The following NXNL2 variants were observed in gnomAD, a reference collection of about 807,000 sequenced individuals.
NXNL2 encodes nucleoredoxin like 2, also known as nucleoredoxin-like protein 2.
A neutral mutation model predicts 11.1 loss-of-function variants in NXNL2; 7 were observed. That is an observed-to-expected ratio of 0.63 (90% confidence interval 0.36 to 1.18). NXNL2 has a LOEUF of 1.18. Among genes scored for constraint, NXNL2 ranks in the 50% most tolerant of loss-of-function variants. The probability of loss-of-function intolerance (pLI) is 0.02; values close to 1 mark genes in which losing one functional copy is unlikely to be tolerated. For synonymous variants in NXNL2, 109 were observed against 101.8 expected, an observed-to-expected ratio of 1.07 and a Z score of -0.42; for missense variants, 233 against 217.7, an observed-to-expected ratio of 1.07 and a Z score of -0.44.
chr9:88,565,376 A>G (rs1265806657), intron 1 of NXNL2, among the ~76,000 whole-genome samples: 2 of 152,166 alleles, frequency 1.3e-5, no homozygotes, highest in African/African-American at 2.4e-5. Context: ...ATAAATACCA[A>G]GAAGTAGGAT....
intron 1 of NXNL2, among the ~76,000 whole-genome samples, chr9:88,565,267 A>G (rs1302683026): frequency 6.6e-6 from 1 of 152,190 alleles, no homozygotes; most frequent in African/African-American, 2.4e-5. Flanking sequence ...CTGTCGATGG[A>G]CATGATGGTT....
chr9:88,538,139 A>G (rs1023626660), intron 1 of NXNL2, among the ~76,000 whole-genome samples: 5 of 152,194 alleles, frequency 3.3e-5, no homozygotes, highest in Non-Finnish European at 7.3e-5. Flanking sequence ...CATTAGGGAA[A>G]AAGTGAGGTT....
At chr9:88,576,947 A>G (rs77877424), downstream of NXNL2, among the ~76,000 whole-genome samples, 363 of 126,172 alleles carry the variant, frequency 2.9e-3, 7 homozygotes, top group Admixed American at 0.023. Context: ...GGGGTGAGCC[A>G]CCACCCATAG....
intron 1 of NXNL2, among the ~76,000 whole-genome samples, chr9:88,550,600 C>G (rs11791660): frequency 4.7e-4 from 72 of 152,326 alleles, no homozygotes; most frequent in Non-Finnish European, 7.8e-4. Context: ...TAGGTAGATT[C>G]AAAGATTTTC....
At chr9:88,544,197 A>G (rs1334604172) in intron 1 of NXNL2, among the ~76,000 whole-genome samples, 182 bp from the exon 2 acceptor site, 1 of 152,110 alleles carries the variant, frequency 6.6e-6, no homozygotes, top group Non-Finnish European at 1.5e-5. Flanking sequence ...AAAGAAAAAG[A>G]AATAGTAGCA....
chr9:88,551,117 T>G (rs2118458680), intron 1 of NXNL2, among the ~76,000 whole-genome samples: 1 of 152,338 alleles, frequency 6.6e-6, no homozygotes, highest in East Asian at 1.9e-4. Context: ...TCTCCTTGCC[T>G]GTTGTTCTAT....
chr9:88,545,498 T>C (rs1450195065), downstream of NXNL2, among the ~76,000 whole-genome samples: 3 of 152,158 alleles, frequency 2.0e-5, no homozygotes, highest in Non-Finnish European at 2.9e-5. Flanking sequence ...CCAGCAATAG[T>C]AGAGTAAGGA....
chr9:88,551,479 C>T (rs866344213), intron 1 of NXNL2, among the ~76,000 whole-genome samples: 4 of 151,968 alleles, frequency 2.6e-5, no homozygotes, highest in Non-Finnish European at 5.9e-5. Flanking sequence ...GAGTCAGTTT[C>T]TCTCTGTCTC....
intron 1 of NXNL2, among the ~76,000 whole-genome samples, chr9:88,552,015 C>A (rs1829938537): frequency 6.6e-6 from 1 of 152,178 alleles, no homozygotes; most frequent in African/African-American, 2.4e-5. Flanking sequence ...GCCTGGAGAT[C>A]AAACCACTTT....
downstream of NXNL2, among the ~76,000 whole-genome samples, chr9:88,545,529 G>A (rs978426657): frequency 7.2e-5 from 11 of 152,194 alleles, no homozygotes; most frequent in African/African-American, 2.4e-4. Flanking sequence ...GTGATACTCA[G>A]TGAACCTGTG....
chr9:88,557,022 A>T (rs1043711154), intron 1 of NXNL2, among the ~76,000 whole-genome samples: 5 of 146,152 alleles, frequency 3.4e-5, no homozygotes, highest in African/African-American at 1.3e-4. Flanking sequence ...CGGAGGTTGC[A>T]GTGAGCCAAG....
chr9:88,546,010 A>C (rs893958898), downstream of NXNL2, among the ~76,000 whole-genome samples: 13 of 151,834 alleles, frequency 8.6e-5, no homozygotes, highest in East Asian at 7.8e-4. Context: ...CAGGTGATCC[A>C]CCCGCCTCGG....
At chr9:88,550,477 T>C (rs1242872833) in intron 1 of NXNL2, among the ~76,000 whole-genome samples, 1 of 152,144 alleles carries the variant, frequency 6.6e-6, no homozygotes, top group Non-Finnish European at 1.5e-5. Flanking sequence ...GTAAGGGTTT[T>C]TAAAGGCGGG....
chr9:88,571,231 A>C, intron 2 of NXNL2: 1 of 240,368 alleles, frequency 4.2e-6, no homozygotes, highest in South Asian at 3.9e-5. Context: ...ATGCCAGGCT[A>C]ATTTTTTTTG....
At position 88,535,751 on chromosome 9, in the gene NXNL2, T is replaced by G; in HGVS notation, c.302+15T>G. On this transcript the variant is annotated intron_variant, in intron 1 of 1. Transcript: ENST00000375854. Reference sequence around the variant, plus strand: ...CCCTACCGGCAGTGAGTGGGGGTCCTGGGGGGGCGGGGGCCGCCCGGCACG... The same window carrying G: ...CCCTACCGGCAGTGAGTGGGGGTCCGGGGGGGGCGGGGGCCGCCCGGCACG... The G allele has an allele frequency of 6.5e-7, 1 of 1,530,432 alleles. No homozygotes were observed. Among genetic ancestry groups the G allele is most frequent in the Non-Finnish European group, 8.7e-7 (1 of 1,147,964 alleles). The allele number at this position is 1,530,432 out of a possible 1,614,324, so 94.8% of individuals were successfully genotyped here. A position where few individuals can be genotyped will look rare whatever the true frequency, so the allele number is the denominator to read the frequency against.
At chr9:88,536,385 C>T (rs1424331455) in intron 1 of NXNL2, among the ~76,000 whole-genome samples, 1 of 152,130 alleles carries the variant, frequency 6.6e-6, no homozygotes, top group Admixed American at 6.6e-5. Flanking sequence ...TTACTATAAA[C>T]TTTATTACTC....
intron 1 of NXNL2, among the ~76,000 whole-genome samples, chr9:88,560,049 A>G (rs552760825): frequency 6.6e-6 from 1 of 152,266 alleles, no homozygotes; most frequent in South Asian, 2.1e-4. Flanking sequence ...GGAGGTCTGT[A>G]GTTTTCCCTG....
chr9:88,547,192 T>C (rs1033548176), downstream of NXNL2, among the ~76,000 whole-genome samples: 1 of 152,244 alleles, frequency 6.6e-6, no homozygotes, highest in Non-Finnish European at 1.5e-5. Context: ...ACTGAATTTG[T>C]TGAAGTCATT....
At chr9:88,554,828 C>T (rs948745966) in intron 1 of NXNL2, among the ~76,000 whole-genome samples, 6 of 152,188 alleles carry the variant, frequency 3.9e-5, no homozygotes, top group Non-Finnish European at 8.8e-5. Flanking sequence ...TTTCAGGGCC[C>T]TATAAATTTT....
Sources: allele counts gnomAD v4.1 joint callset (sites outside exome capture counted in the v4.1 genomes callset), GRCh38; gene constraint gnomAD v4.1.1; transcripts MANE v1.5; gene names NCBI Gene and HGNC (gene_info 2026-07-23, HGNC 2026-07-21).